Variants in AKAP12 observed in about 807,000 individuals in gnomAD.
AKAP12 encodes A-kinase anchor protein 12.
In AKAP12, 32 loss-of-function variants were observed where a neutral mutation model predicts 79.9. The ratio of observed to expected loss-of-function variants is 0.40; its 90% CI spans 0.30 to 0.54. The LOEUF (loss-of-function observed/expected upper bound fraction) is 0.54, where lower values mean the gene tolerates loss of function less well. Ranked by LOEUF, AKAP12 falls within the 20% of genes least tolerant of loss-of-function variation. AKAP12 has a pLI of 0.48. For synonymous variants in AKAP12, 808 were observed against 857.0 expected (o/e 0.94, Z 1.00); for missense variants, 2,074 against 2,177.0 (o/e 0.95, Z 0.94).
chr6:151,250,759 C>T (rs1797158890), intron 2 of AKAP12, among the ~76,000 whole-genome samples: 2 of 151,674 alleles, frequency 1.3e-5, no homozygotes, highest in South Asian at 4.2e-4. Context: ...GCGCCCGCCA[C>T]CACGCCCGGC....
chr6:151,354,073 A>G (rs759730633), intron 4 of AKAP12, among the ~76,000 whole-genome samples: 3 of 151,992 alleles, frequency 2.0e-5, no homozygotes, highest in Non-Finnish European at 2.9e-5. Flanking sequence ...CATTGTGTTC[A>G]CTCAACTATC....
Position 151,352,464 on chromosome 6 carries a change from T to C in AKAP12, c.4073T>C (p.Leu1358Pro). 6.2e-7 allele frequency: 1 copy of C among 1,614,144 alleles called. No homozygotes were observed. ...CCAACCCATGTGAATGAAGAGAAGC[T>C]TGAGCACGAAACAGCTGTTACCGTA... ...AEPTHVNEEK[L>P]EHETAVTVSE... is the part of the protein sequence containing the mutation. Residue 1358 changes from leucine (L) to proline (P), a missense_variant, in exon 4 of 5, where the codon CTT becomes CCT. Physicochemically the swap from Leu to Pro is moderately conservative, Grantham distance 98. Transcript: ENST00000402676.
intron 2 of AKAP12, among the ~76,000 whole-genome samples, chr6:151,299,954 C>T (rs1320110330): frequency 1.3e-5 from 2 of 152,032 alleles, no homozygotes; most frequent in Non-Finnish European, 2.9e-5. Flanking sequence ...ATGTGTTGCA[C>T]CTCATAAATA....
Position 151,293,405 on chromosome 6 carries a change from A to G in AKAP12, c.163-12342A>G, listed in dbSNP as rs553631902. Among the ~76,000 whole-genome samples, 3 of 152,346 alleles carry G rather than the reference A, an allele frequency of 2.0e-5. No homozygotes were observed. In the East Asian group the frequency reaches 5.8e-4, roughly 29 times the overall value. ...AGAAATGTGTTTTGAGATGATTTAT[A>G]TTCATTATTCTAACTCTTCACAATA... On this transcript the variant is annotated intron_variant, in intron 2 of 4. Transcript: ENST00000402676.
Position 151,349,848 on chromosome 6 carries a change from A to G in AKAP12, c.1457A>G (p.Glu486Gly). The G allele has an allele frequency of 6.2e-7, 1 of 1,614,172 alleles. No homozygotes were observed. Among genetic ancestry groups the G allele is most frequent in the Non-Finnish European group, 8.5e-7 (1 of 1,180,018 alleles). Reference sequence around the variant, plus strand: ...CAGGGAGCTGACCTCAGTCCTGATGAGAAGGTGCTGTCCAAACCCCCCGAA... The same window carrying G: ...CAGGGAGCTGACCTCAGTCCTGATGGGAAGGTGCTGTCCAAACCCCCCGAA... The part of the protein sequence containing the change: ...PTQGADLSPD[E>G]KVLSKPPEGV... Residue 486 changes from glutamate to glycine, a missense_variant, in exon 4 of 5, where the codon GAG becomes GGG. This residue lies in a region of AKAP12 where 1,428 missense variants were observed against 1,451.0 expected (regional missense o/e 0.98). Coordinates refer to ENST00000402676, the MANE Select transcript of AKAP12 (RefSeq NM_005100.4).
At chr6:151,340,736 G>A in intron 3 of AKAP12, among the ~76,000 whole-genome samples, 1 of 151,838 alleles carries the variant, frequency 6.6e-6, no homozygotes, top group East Asian at 1.9e-4. Context: ...ACCATGCCTT[G>A]GCCATTGCCA....
chr6:151,325,464 C>T lies in AKAP12; in HGVS notation c.319+19561C>T, dbSNP rs1354461063. 3.0e-6 allele frequency: 3 copies of T among 985,314 alleles called. No homozygotes were observed. In the African/African-American group the frequency reaches 5.2e-5, roughly 17 times the overall value. 61.0% of individuals were successfully genotyped at this position (985,314 alleles called of 1,614,324 possible). A position where few individuals can be genotyped will look rare whatever the true frequency, so the allele number is the denominator to read the frequency against. ...TAAACCCTCCCGGGACTCTGCAGAACCCGCTGACCACTCACAGAGCCCAGC... is the reference window on the plus strand; with the variant it reads ...TAAACCCTCCCGGGACTCTGCAGAATCCGCTGACCACTCACAGAGCCCAGC... On this transcript the variant is annotated intron_variant, in intron 3 of 4. Coordinates refer to ENST00000402676, the MANE Select transcript of AKAP12 (RefSeq NM_005100.4).
At chr6:151,328,200 T>C (rs538181430) in intron 3 of AKAP12, among the ~76,000 whole-genome samples, 6 of 149,388 alleles carry the variant, frequency 4.0e-5, no homozygotes, top group Non-Finnish European at 5.9e-5. Flanking sequence ...TGGTGGCGGG[T>C]GCCTGTAGTC....
chr6:151,307,399 G>T (rs1037849577), intron 3 of AKAP12, among the ~76,000 whole-genome samples: 1 of 152,148 alleles, frequency 6.6e-6, no homozygotes, highest in Non-Finnish European at 1.5e-5. Flanking sequence ...TTTTATTGAA[G>T]GGTGTAGAAT....
In AKAP12 at chr6:151,272,327, A is replaced by G. The variant is rs1380999361; in HGVS notation, c.162+31603A>G. On this transcript the variant is annotated intron_variant, in intron 2 of 4. Coordinates refer to ENST00000402676, the MANE Select transcript of AKAP12 (RefSeq NM_005100.4). The stretch of plus-strand genomic sequence containing the variant: ...ATCACTGCACTCCAGCCTGAGTGAC[A>G]CAGTGAGACCCTGTTTCAAAAAAAA... Among the ~76,000 whole-genome samples the G allele has an allele frequency of 2.4e-3, 355 of 145,996 alleles. 3 individuals carry two copies. The highest frequency in any genetic ancestry group is 7.2e-3 in the African/African-American group (276 of 38,414).
chr6:151,354,583 C>G (rs1323117690), intron 4 of AKAP12, among the ~76,000 whole-genome samples: 1 of 148,820 alleles, frequency 6.7e-6, no homozygotes, highest in African/African-American at 2.4e-5. Flanking sequence ...CCGTGTTAGC[C>G]AGGAGGTCTC....
chr6:151,244,354 C>G (rs1432416968), intron 2 of AKAP12, among the ~76,000 whole-genome samples: 3 of 152,160 alleles, frequency 2.0e-5, no homozygotes, highest in African/African-American at 7.2e-5. Flanking sequence ...GAAACCCCAT[C>G]TCTACTAAAA....
chr6:151,322,578 C>T (rs1777423116), intron 3 of AKAP12, among the ~76,000 whole-genome samples: 1 of 152,246 alleles, frequency 6.6e-6, no homozygotes. Context: ...CCATGCTCGT[C>T]TGTCCCTATG....
chr6:151,286,066 C>T (rs1776499870), intron 2 of AKAP12, among the ~76,000 whole-genome samples: 2 of 152,052 alleles, frequency 1.3e-5, no homozygotes, highest in South Asian at 2.1e-4. Context: ...TTAGTAGGGA[C>T]GAGGTTTCAC....
intron 2 of AKAP12, among the ~76,000 whole-genome samples, chr6:151,245,610 A>G (rs1283521722): frequency 4.0e-5 from 1 of 24,990 alleles, no homozygotes; most frequent in Admixed American, 7.1e-4. Flanking sequence ...GCACCACTGC[A>G]GTCACCACTG....
intron 2 of AKAP12, among the ~76,000 whole-genome samples, chr6:151,257,266 A>T (rs981744840): frequency 5.3e-5 from 8 of 151,830 alleles, no homozygotes; most frequent in African/African-American, 1.7e-4. Context: ...GTCCACGAGC[A>T]CTTAATGTTT....
chr6:151,340,051 G>C (rs1473160276), intron 3 of AKAP12, among the ~76,000 whole-genome samples: 1 of 151,750 alleles, frequency 6.6e-6, no homozygotes. Context: ...TCAGCCTCCC[G>C]AGTAGCTGGG....
chr6:151,250,964 A>T (rs980186010), intron 2 of AKAP12, among the ~76,000 whole-genome samples: 1 of 152,218 alleles, frequency 6.6e-6, no homozygotes, highest in Non-Finnish European at 1.5e-5. Context: ...TGGGAGATAA[A>T]GAAATAAAAA....
At chr6:151,321,841 T>C (rs567645135) in intron 3 of AKAP12, among the ~76,000 whole-genome samples, 17 of 152,004 alleles carry the variant, frequency 1.1e-4, no homozygotes, top group Non-Finnish European at 1.9e-4. Context: ...TCCTTGTTAT[T>C]GTGGTCTTCC....
Sources: allele counts gnomAD v4.1 joint callset (sites outside exome capture counted in the v4.1 genomes callset), GRCh38; gene constraint gnomAD v4.1.1; regional missense constraint gnomAD v4.1.1; transcripts MANE v1.5; gene names NCBI Gene and HGNC (gene_info 2026-07-23, HGNC 2026-07-21).